Variants in ARL14EPL observed in about 807,000 individuals in gnomAD.
ARL14EPL encodes ARL14 effector protein-like.
In ARL14EPL, 17 loss-of-function variants were observed where a neutral mutation model predicts 15.9. That is an observed-to-expected ratio of 1.07 (90% CI 0.73 to 1.60). The LOEUF is 1.60. ARL14EPL is among the 40% of genes most tolerant of loss of function. The pLI is 0.00. For synonymous variants in ARL14EPL, 78 were observed against 63.8 expected (o/e 1.22, Z -1.06); for missense variants, 214 against 185.9 (o/e 1.15, Z -0.88).
At chr5:116,034,310 G>T (rs1012477405) in intron 1 of ARL14EPL, among the ~76,000 whole-genome samples, 2 of 152,162 alleles carry the variant, frequency 1.3e-5, no homozygotes, top group African/African-American at 4.8e-5. Flanking sequence ...TCCTGAGAAT[G>T]CCCCGTAACA....
At chr5:116,041,758 T>G (rs149820456) in intron 1 of ARL14EPL, among the ~76,000 whole-genome samples, 6 of 152,302 alleles carry the variant, frequency 3.9e-5, no homozygotes, top group Admixed American at 2.0e-4. Context: ...TCTCCCTCCC[T>G]CTTTACCTGA....
intron 1 of ARL14EPL, among the ~76,000 whole-genome samples, chr5:116,036,437 A>G (rs994228540): frequency 3.9e-5 from 6 of 152,168 alleles, no homozygotes; most frequent in Non-Finnish European, 8.8e-5. Context: ...CAAGATAATT[A>G]TAAGAATAGT....
At chr5:116,056,945 T>C (rs1749530806) in intron 3 of ARL14EPL, among the ~76,000 whole-genome samples, 1 of 152,192 alleles carries the variant, frequency 6.6e-6, no homozygotes, top group Admixed American at 6.5e-5. Context: ...ATCATCCTGA[T>C]ACCAAAGCCT....
intron 1 of ARL14EPL, among the ~76,000 whole-genome samples, chr5:116,037,412 G>A (rs1165815231): frequency 6.6e-6 from 1 of 152,064 alleles, no homozygotes; most frequent in East Asian, 1.9e-4. Flanking sequence ...TATCACAGAG[G>A]CCCCTTCCTT....
chr5:116,052,077 C>A, intron 2 of ARL14EPL: 1 of 1,613,464 alleles, frequency 6.2e-7, no homozygotes, highest in Middle Eastern at 1.7e-4. Context: ...GAGACCACAG[C>A]TGGGGTTATA....
At chr5:116,049,600 A>G (rs1749332518) in intron 1 of ARL14EPL, among the ~76,000 whole-genome samples, 1 of 152,208 alleles carries the variant, frequency 6.6e-6, no homozygotes, top group Non-Finnish European at 1.5e-5. Context: ...CTTGGTAAAG[A>G]GCTAAGTACC....
chr5:116,038,622 C>G (rs1730131715), intron 1 of ARL14EPL, among the ~76,000 whole-genome samples: 1 of 145,790 alleles, frequency 6.9e-6, no homozygotes, highest in African/African-American at 2.5e-5. Context: ...AGGAGAATAA[C>G]TTCAGTAGCG....
intron 1 of ARL14EPL, among the ~76,000 whole-genome samples, chr5:116,037,248 T>C (rs1033584045): frequency 3.3e-5 from 5 of 152,090 alleles, no homozygotes; most frequent in Non-Finnish European, 7.4e-5. Flanking sequence ...TAGAAAAAAA[T>C]GGTAATAACA....
intron 3 of ARL14EPL, 72 bp from the exon 4 acceptor site, chr5:116,058,653 T>C (rs1749575153): frequency 7.2e-7 from 1 of 1,395,522 alleles, no homozygotes; most frequent in Admixed American, 2.0e-5. Flanking sequence ...ATGATGTTGA[T>C]TGTACATTAA....
chr5:116,032,833 G>C (rs971327163), intron 1 of ARL14EPL, among the ~76,000 whole-genome samples: 3 of 152,122 alleles, frequency 2.0e-5, no homozygotes, highest in African/African-American at 7.2e-5. Flanking sequence ...GTGTCAGTCT[G>C]TCAATGCAGG....
intron 2 of ARL14EPL, chr5:116,052,184 C>T (rs1344855547): frequency 6.2e-7 from 1 of 1,609,210 alleles, no homozygotes; most frequent in African/African-American, 1.3e-5. Flanking sequence ...GCCTTTGGAC[C>T]ACTTCTTCTT....
At chr5:116,051,771 A>G (rs184838974) in intron 2 of ARL14EPL, 4 of 711,886 alleles carry the variant, frequency 5.6e-6, no homozygotes, top group Admixed American at 5.8e-5. Context: ...CCTCCTGTGT[A>G]CCCTGATTTT....
chr5:116,054,124 G>C lies in ARL14EPL; in HGVS notation c.207G>C (p.Lys69Asn). The change falls in exon 3 of 4, where the codon AAG becomes AAC. Residue 69 changes from lysine to asparagine, a missense_variant. Lys to Asn is a moderately conservative substitution (Grantham distance 94, BLOSUM62 0). Transcript: ENST00000686077. ...RQQKKKARMS[K>N]MNEYFSTKYK... Reference sequence around the variant, plus strand: ...AGAAAAAGAAAGCCCGGATGTCAAAGATGAATGAATATTTTTCTACCAAAT... The same window carrying C: ...AGAAAAAGAAAGCCCGGATGTCAAACATGAATGAATATTTTTCTACCAAAT... The C allele has an allele frequency of 6.5e-7, 1 of 1,535,510 alleles. No individual in the cohort carries two copies. Among genetic ancestry groups the C allele is most frequent in the Non-Finnish European group, 8.7e-7 (1 of 1,146,590 alleles).
chr5:116,052,321 TTG>T, intron 2 of ARL14EPL: 12 of 1,046,992 alleles, frequency 1.1e-5, no homozygotes, highest in Non-Finnish European at 1.5e-5. Context: ...CACCGCAGCC[TTG>T]CAAAGATGTC....
intron 1 of ARL14EPL, among the ~76,000 whole-genome samples, chr5:116,040,838 G>C (rs925812425): frequency 1.3e-5 from 2 of 149,146 alleles, no homozygotes; most frequent in African/African-American, 4.9e-5. Context: ...AAAATTAGTC[G>C]GGCGTGGTGG....
intron 1 of ARL14EPL, among the ~76,000 whole-genome samples, chr5:116,033,305 T>C (rs74818001): frequency 0.036 from 5,441 of 152,282 alleles, 331 homozygotes; most frequent in African/African-American, 0.12. Context: ...TTCTATTTTT[T>C]TCACTTTTAG....
At chr5:116,052,273 C>T (rs1197643161) in intron 2 of ARL14EPL, 15 of 1,548,728 alleles carry the variant, frequency 9.7e-6, no homozygotes, top group African/African-American at 5.5e-5. Flanking sequence ...TCTCGTCGTC[C>T]TTGGGCGGCA....
chr5:116,053,427 G>C (rs191064219), intron 2 of ARL14EPL, among the ~76,000 whole-genome samples: 1 of 151,236 alleles, frequency 6.6e-6, no homozygotes, highest in East Asian at 1.9e-4. Context: ...GCCCTAGAAA[G>C]TCATCCTAGC....
intron 3 of ARL14EPL, among the ~76,000 whole-genome samples, chr5:116,056,305 A>T (rs1749515765): frequency 6.6e-6 from 1 of 152,018 alleles, no homozygotes. Flanking sequence ...CCTCTCCAGC[A>T]CCTGTTGTTT....
Sources: gnomAD v4.1 joint callset for allele counts (sites outside exome capture counted in the v4.1 genomes callset) on GRCh38, gnomAD v4.1.1 for gene constraint, MANE v1.5 for transcripts, NCBI Gene and HGNC (gene_info 2026-07-23, HGNC 2026-07-21) for gene names.